The following CEP57L1 variants were observed in gnomAD, a reference collection of about 807,000 sequenced individuals.
CEP57L1 encodes the protein centrosomal protein 57 like 1.
A neutral mutation model predicts 61.0 loss-of-function variants in CEP57L1; 37 were observed. The ratio of observed to expected loss-of-function variants is 0.61; its 90% CI spans 0.47 to 0.80. CEP57L1 has a LOEUF of 0.80. Ranked by LOEUF, CEP57L1 falls within the 30% of genes least tolerant of loss-of-function variation. The pLI, the probability that CEP57L1 is intolerant of heterozygous loss-of-function variation, is 0.00. For missense variants in CEP57L1, 422 were observed against 524.7 expected (o/e 0.80, Z 1.91); for synonymous variants, 137 against 162.3 (o/e 0.84, Z 1.19).
At chr6:109,103,903 G>T (rs182788156) in intron 1 of CEP57L1, among the ~76,000 whole-genome samples, 85 of 151,938 alleles carry the variant, frequency 5.6e-4, no homozygotes, top group Non-Finnish European at 1.0e-3. Context: ...ATAGGGGTAA[G>T]ATATTAAAAT....
intron 5 of CEP57L1, among the ~76,000 whole-genome samples, chr6:109,154,551 T>G (rs373865898): frequency 6.6e-6 from 1 of 152,156 alleles, no homozygotes; most frequent in African/African-American, 2.4e-5. Flanking sequence ...ACAGGTTGGG[T>G]GTCCTTAATC....
chr6:109,109,123 CATA>C (rs1771274924), intron 1 of CEP57L1, among the ~76,000 whole-genome samples: 1 of 152,170 alleles, frequency 6.6e-6, no homozygotes, highest in Non-Finnish European at 1.5e-5. Context: ...TTACATGTCT[CATA>C]ATATCTCAAT....
At chr6:109,139,483 CTTTTTTT>C (rs1378077518) in intron 1 of CEP57L1, among the ~76,000 whole-genome samples, 1 of 145,254 alleles carries the variant, frequency 6.9e-6, no homozygotes, top group African/African-American at 2.5e-5. Flanking sequence ...TTTCTTTTTT[CTTTTTTT>C]TTTTGAGATG....
In CEP57L1 at chr6:109,171,792, AATC is replaced by A. The variant is rs1192359830; in HGVS notation, c.*8828_*8830del. Among the ~76,000 whole-genome samples the A allele has an allele frequency of 3.9e-5, 6 of 152,206 alleles. No homozygotes were observed. The highest frequency in any genetic ancestry group is 8.8e-5 in the Non-Finnish European group (6 of 68,022). On this transcript the variant is annotated 3_prime_UTR_variant, in exon 11 of 11. Coordinates refer to ENST00000517392, the MANE Select transcript of CEP57L1 (RefSeq NM_001271852.3). ...ATGGTGGAAAACAGTTTCCTCAGAT[AATC>A]ATCATATCAGAGGTCATCATGTATC...
intron 1 of CEP57L1, among the ~76,000 whole-genome samples, chr6:109,123,450 A>C (rs974675833): frequency 2.4e-4 from 36 of 152,316 alleles, no homozygotes; most frequent in African/African-American, 8.4e-4. Flanking sequence ...TTAATACCTC[A>C]TAGTGTTGCC....
chr6:109,110,794 A>G (rs1233015543), intron 1 of CEP57L1, among the ~76,000 whole-genome samples: 1 of 152,174 alleles, frequency 6.6e-6, no homozygotes, highest in Non-Finnish European at 1.5e-5. Context: ...TTCTTTCCCC[A>G]TTGCTTGTTT....
rs1583702686 is a variant in CEP57L1, at chr6:109,168,357, A to G, written c.*5387A>G. Among the ~76,000 whole-genome samples, 1 of 152,230 alleles carries G rather than the reference A, an allele frequency of 6.6e-6. No individual in the cohort carries two copies. The highest frequency in any genetic ancestry group is 1.9e-4 in the East Asian group (1 of 5,190). ...AGTGGGGGAAAATCAAGCAATAATCACTTAGACTAAAACAGAACAATAAGA... is the reference window on the plus strand; with the variant it reads ...AGTGGGGGAAAATCAAGCAATAATCGCTTAGACTAAAACAGAACAATAAGA... On this transcript the variant is annotated 3_prime_UTR_variant, in exon 11 of 11. Transcript: ENST00000517392.
chr6:109,140,191 C>T (rs1278809462), intron 1 of CEP57L1, among the ~76,000 whole-genome samples: 1 of 151,884 alleles, frequency 6.6e-6, no homozygotes, highest in Non-Finnish European at 1.5e-5. Context: ...CTTCCGGGTT[C>T]AAGCGATTCT....
At chr6:109,117,839 C>A (rs1220706650) in intron 1 of CEP57L1, among the ~76,000 whole-genome samples, 1 of 152,184 alleles carries the variant, frequency 6.6e-6, no homozygotes, top group Non-Finnish European at 1.5e-5. Context: ...TGATCTCTTA[C>A]ATTTCGACAT....
chr6:109,098,226 C>A (rs1376929980), intron 1 of CEP57L1, among the ~76,000 whole-genome samples: 2 of 152,036 alleles, frequency 1.3e-5, no homozygotes, highest in Non-Finnish European at 2.9e-5. Context: ...TGGCTCACTG[C>A]AACCTCCACC....
chr6:109,162,159 G>A (rs1773770844), intron 10 of CEP57L1, among the ~76,000 whole-genome samples: 2 of 151,812 alleles, frequency 1.3e-5, no homozygotes. Context: ...AAGTATTCCT[G>A]AATTTAAAGT....
Position 109,164,929 on chromosome 6 carries a change from T to C in CEP57L1, c.*1959T>C, listed in dbSNP as rs770739258. On this transcript the variant is annotated 3_prime_UTR_variant, in exon 11 of 11. Coordinates refer to ENST00000517392, the MANE Select transcript of CEP57L1 (RefSeq NM_001271852.3). Reference sequence around the variant, plus strand: ...CCCTGTCTCTACTAAATTACAAAAATTAGCCGGGTGTGGTGGCGCATGCCT... The same window carrying C: ...CCCTGTCTCTACTAAATTACAAAAACTAGCCGGGTGTGGTGGCGCATGCCT... 3.1e-4 allele frequency among the ~76,000 whole-genome samples: 47 copies of C among 151,874 alleles called. No homozygotes were observed. The highest frequency in any genetic ancestry group is 5.7e-4 in the Non-Finnish European group (39 of 67,974).
chr6:109,162,234 T>C (rs1773780163), intron 10 of CEP57L1, among the ~76,000 whole-genome samples: 1 of 152,096 alleles, frequency 6.6e-6, no homozygotes, highest in Non-Finnish European at 1.5e-5. Context: ...CATATACACA[T>C]ACATATGCAC....
rs561693443 is a variant in CEP57L1, at chr6:109,118,928, A to G, written c.-4+23353A>G. On this transcript the variant is annotated intron_variant, in intron 1 of 10. Coordinates refer to ENST00000517392, the MANE Select transcript of CEP57L1 (RefSeq NM_001271852.3). ...TAAGACTTTGATGAATGAGGCGTGC[A>G]GTTCAGTGGGGAAGACATGAACAGA... Among the ~76,000 whole-genome samples the G allele has an allele frequency of 9.8e-4, 149 of 152,328 alleles. 1 individual carries two copies. The highest frequency in any genetic ancestry group is 3.5e-3 in the African/African-American group (146 of 41,564).
At chr6:109,158,819 A>G (rs1296764816) in intron 7 of CEP57L1, 1 of 590,376 alleles carries the variant, frequency 1.7e-6, no homozygotes, top group Non-Finnish European at 3.0e-6. Context: ...TTTCACTGTA[A>G]TTTTAACTCG....
At chr6:109,127,891 G>A (rs1773757566) in intron 1 of CEP57L1, among the ~76,000 whole-genome samples, 1 of 151,902 alleles carries the variant, frequency 6.6e-6, no homozygotes, top group Non-Finnish European at 1.5e-5. Flanking sequence ...GCCTCCCAAA[G>A]TGCTGGGATT....
intron 1 of CEP57L1, among the ~76,000 whole-genome samples, chr6:109,100,924 T>C (rs746533084): frequency 6.6e-6 from 1 of 151,986 alleles, no homozygotes; most frequent in Non-Finnish European, 1.5e-5. Flanking sequence ...CTGGCCAACA[T>C]GGTGAAAGTC....
chr6:109,162,061 G>C (rs971534653), intron 10 of CEP57L1, among the ~76,000 whole-genome samples: 2 of 151,854 alleles, frequency 1.3e-5, no homozygotes, highest in Non-Finnish European at 2.9e-5. Flanking sequence ...TACTACTCAA[G>C]GTGATAAAGT....
At chr6:109,129,261 G>A (rs117426315) in intron 1 of CEP57L1, 65,873 of 683,076 alleles carry the variant, frequency 0.096, 3,708 homozygotes, top group South Asian at 0.17. Flanking sequence ...TCATTTTATC[G>A]CCTTTAGTAT....
Sources: gnomAD v4.1 joint callset for allele counts (sites outside exome capture counted in the v4.1 genomes callset) on GRCh38, gnomAD v4.1.1 for gene constraint, MANE v1.5 for transcripts, NCBI Gene and HGNC (gene_info 2026-07-23, HGNC 2026-07-21) for gene names.